The following SLC25A19 variants were observed in gnomAD, a reference collection of about 807,000 sequenced individuals.
SLC25A19 encodes the protein mitochondrial thiamine pyrophosphate carrier.
In SLC25A19, 18 loss-of-function variants were observed where a neutral mutation model predicts 27.9. The observed-to-expected ratio is 0.64, with a 90% CI of 0.45 to 0.96. The LOEUF is 0.96. Among genes scored for constraint, SLC25A19 ranks in the 40% least tolerant of loss-of-function variants. The pLI is 0.00. For missense variants in SLC25A19, 371 were observed against 418.3 expected (o/e 0.89, Z 0.99); for synonymous variants, 169 against 167.1 (o/e 1.01, Z -0.09).
In SLC25A19 at chr17:75,283,570, C is replaced by T. The variant is rs779494135; in HGVS notation, c.312G>A (p.Thr104=). 2.2e-5 allele frequency: 35 copies of T among 1,613,484 alleles called. No individual in the cohort carries two copies. The highest frequency in any genetic ancestry group is 2.5e-5 in the Non-Finnish European group (30 of 1,179,780). Reference sequence around the variant, plus strand: ...ACACGCTGCCTCTGTGGACCAGCTCCGTCAGCATTTCAAATGACAAGAACT... The same window carrying T: ...ACACGCTGCCTCTGTGGACCAGCTCTGTCAGCATTTCAAATGACAAGAACT... ...AVQFLSFEML[T]ELVHRGSVYD... The change falls in exon 5 of 8, where the codon ACG becomes ACA. Residue 104 remains threonine (T), a synonymous_variant. Transcript: ENST00000416858.
intron 5 of SLC25A19, among the ~76,000 whole-genome samples, chr17:75,282,777 A>T (rs1016914112): frequency 1.3e-5 from 2 of 151,298 alleles, no homozygotes; most frequent in African/African-American, 2.4e-5. Flanking sequence ...GCGTGAACCC[A>T]GGAGGCGGAG....
At chr17:75,286,582 A>G in intron 3 of SLC25A19, 51 bp downstream of exon 3, 1 of 1,614,154 alleles carries the variant, frequency 6.2e-7, no homozygotes, top group Non-Finnish European at 8.5e-7. Flanking sequence ...CTTTTGCAAG[A>G]AAGACTGAAC....
chr17:75,284,425 T>G (rs1278708949), intron 4 of SLC25A19, among the ~76,000 whole-genome samples: 2 of 151,964 alleles, frequency 1.3e-5, no homozygotes, highest in Non-Finnish European at 2.9e-5. Flanking sequence ...AAAAGATACA[T>G]GAGAACAATG....
At chr17:75,282,129 T>C (rs571119993) in intron 5 of SLC25A19, among the ~76,000 whole-genome samples, 1 of 151,618 alleles carries the variant, frequency 6.6e-6, no homozygotes, top group African/African-American at 2.4e-5. Context: ...CTCAGCCAGG[T>C]GTAGTCTCAG....
intron 4 of SLC25A19, among the ~76,000 whole-genome samples, chr17:75,284,316 T>C (rs1236093144): frequency 1.3e-5 from 2 of 152,048 alleles, no homozygotes; most frequent in East Asian, 3.9e-4. Flanking sequence ...GGCAGAAGAA[T>C]CGCCTGAACC....
At chr17:75,277,603 T>C in intron 6 of SLC25A19, 120 bp from the exon 7 acceptor site, 1 of 1,169,188 alleles carries the variant, frequency 8.6e-7, no homozygotes, top group South Asian at 1.2e-5. Context: ...CGCACTTCTA[T>C]CTGACCTCCA....
chr17:75,279,470 T>C (rs968533899), intron 5 of SLC25A19, among the ~76,000 whole-genome samples: 2 of 151,750 alleles, frequency 1.3e-5, no homozygotes, highest in Non-Finnish European at 2.9e-5. Flanking sequence ...AAATCCAACA[T>C]GTCAATAGTT....
At chr17:75,273,785 G>A in intron 7 of SLC25A19, 146 bp from the exon 8 acceptor site, 1 of 760,970 alleles carries the variant, frequency 1.3e-6, no homozygotes, top group Non-Finnish European at 2.2e-6. Context: ...CGTTGAGGCA[G>A]AGTCTCACTC....
intron 7 of SLC25A19, among the ~76,000 whole-genome samples, chr17:75,274,732 A>C (rs1252340305): frequency 1.3e-5 from 2 of 152,126 alleles, no homozygotes; most frequent in African/African-American, 4.8e-5. Flanking sequence ...GCTTGAGCCC[A>C]GGAGTTCGAG....
chr17:75,273,642 G>C lies in SLC25A19; in HGVS notation c.775-3C>G. On this transcript the variant is annotated splice_region_variant and splice_polypyrimidine_tract_variant and intron_variant, in intron 7 of 7. Transcript: ENST00000416858. ...ATGAGGCCCTTGTATCTCCGTACCT[G>C]GGGAGAGGAAAGGGATGAAAATATG... 1 of 1,612,150 alleles carries C rather than the reference G, an allele frequency of 6.2e-7. No homozygotes were observed. The highest frequency in any genetic ancestry group is 8.5e-7 in the Non-Finnish European group (1 of 1,179,680).
Position 75,286,372 on chromosome 17 carries a change from C to T in SLC25A19, c.220G>A (p.Gly74Ser). ...TGTCCTTTCCAGAAAGCTGTCGGAC[C>T]CTCCTCCTGCAGAATCTGCCTAGAG... ...QASRQILQEEGPTAFWKGHVP... is the reference protein window; with the variant it reads ...QASRQILQEESPTAFWKGHVP... Residue 74 changes from glycine (G) to serine (S), a missense_variant, in exon 4 of 8, where the codon GGT becomes AGT. Coordinates refer to ENST00000416858, the MANE Select transcript of SLC25A19 (RefSeq NM_001126121.2). The T allele has an allele frequency of 6.2e-7, 1 of 1,614,138 alleles. No homozygotes were observed. Among genetic ancestry groups the T allele is most frequent in the Non-Finnish European group, 8.5e-7 (1 of 1,180,042 alleles).
chr17:75,278,594 C>G (rs1041877779), intron 5 of SLC25A19, among the ~76,000 whole-genome samples: 44 of 152,238 alleles, frequency 2.9e-4, no homozygotes, highest in African/African-American at 1.0e-3. Flanking sequence ...CTGCAGCGTC[C>G]TGGGGAAGAG....
intron 2 of SLC25A19, 120 bp downstream of exon 2, chr17:75,288,381 TA>T (rs2078232068): frequency 6.6e-6 from 1 of 152,102 alleles, no homozygotes; most frequent in South Asian, 2.1e-4. Flanking sequence ...TCTCAGCCCC[TA>T]CTCACTTTTT....
At chr17:75,275,615 T>C (rs560004705) in intron 7 of SLC25A19, among the ~76,000 whole-genome samples, 1 of 152,288 alleles carries the variant, frequency 6.6e-6, no homozygotes, top group East Asian at 1.9e-4. Context: ...ACAACATGAC[T>C]TAGCACGGGG....
At position 75,273,146 on chromosome 17, in the gene SLC25A19, G is replaced by C; in HGVS notation, c.*305C>G. On this transcript the variant is annotated 3_prime_UTR_variant, in exon 8 of 8. Coordinates refer to ENST00000416858, the MANE Select transcript of SLC25A19 (RefSeq NM_001126121.2). ...TTCTGTTCTCCTGGCAGGCAGGGCT[G>C]ATAGGTGTAGGATGGCGTCTGTTTC... 1 of 423,560 alleles carries C rather than the reference G, an allele frequency of 2.4e-6. No homozygotes were observed. Among genetic ancestry groups the C allele is most frequent in the East Asian group, 5.0e-5 (1 of 19,900 alleles). The allele number at this position is 423,560 out of a possible 1,614,324, so 26.2% of individuals were successfully genotyped here. A position where few individuals can be genotyped will look rare whatever the true frequency, so the allele number is the denominator to read the frequency against.
chr17:75,273,115 A>G lies in SLC25A19; in HGVS notation c.*336T>C, dbSNP rs1258716604. On this transcript the variant is annotated 3_prime_UTR_variant, in exon 8 of 8. Transcript: ENST00000416858. ...AAGCAGCAGCCCCATCCAGACCAGGAGTGTGTTCTGTTCTCCTGGCAGGCA... is the reference window on the plus strand; with the variant it reads ...AAGCAGCAGCCCCATCCAGACCAGGGGTGTGTTCTGTTCTCCTGGCAGGCA... The G allele has an allele frequency of 5.2e-6, 2 of 384,258 alleles. No individual in the cohort carries two copies. Among genetic ancestry groups the G allele is most frequent in the African/African-American group, 4.1e-5 (2 of 48,400 alleles). The allele number at this position is 384,258 out of a possible 1,614,324, so 23.8% of individuals were successfully genotyped here. A position where few individuals can be genotyped will look rare whatever the true frequency, so the allele number is the denominator to read the frequency against.
At chr17:75,275,794 G>A (rs1045394736) in intron 7 of SLC25A19, among the ~76,000 whole-genome samples, 2 of 151,816 alleles carry the variant, frequency 1.3e-5, no homozygotes, top group Admixed American at 1.3e-4. Context: ...GTCTCATATG[G>A]TGAAACCCCG....
chr17:75,275,775 T>G (rs1400972595), intron 7 of SLC25A19, among the ~76,000 whole-genome samples: 1 of 151,756 alleles, frequency 6.6e-6, no homozygotes, highest in African/African-American at 2.4e-5. Context: ...GCCAATGTGG[T>G]GAAACCCTGT....
At chr17:75,276,521 C>T (rs1314704231) in intron 7 of SLC25A19, among the ~76,000 whole-genome samples, 4 of 151,166 alleles carry the variant, frequency 2.6e-5, no homozygotes, top group Non-Finnish European at 5.9e-5. Flanking sequence ...GCGCCCACCA[C>T]CATACCCAGC....
Sources: allele counts gnomAD v4.1 joint callset (sites outside exome capture counted in the v4.1 genomes callset), GRCh38; gene constraint gnomAD v4.1.1; transcripts MANE v1.5; gene names NCBI Gene and HGNC (gene_info 2026-07-23, HGNC 2026-07-21).